Variants in DGLUCY observed in about 807,000 individuals in gnomAD.
The protein encoded by DGLUCY is D-glutamate cyclase.
A neutral mutation model predicts 58.5 loss-of-function variants in DGLUCY; 58 were observed. That is an observed-to-expected ratio of 0.99 (90% CI 0.80 to 1.23). The LOEUF (loss-of-function observed/expected upper bound fraction) is 1.23, where lower values mean the gene tolerates loss of function less well. Ranked by LOEUF, DGLUCY falls within the 50% of genes most tolerant of loss-of-function variation. The probability of loss-of-function intolerance (pLI) is 0.00; values close to 1 mark genes in which losing one functional copy is unlikely to be tolerated. For missense variants in DGLUCY, 779 were observed against 784.7 expected, an observed-to-expected ratio of 0.99 and a Z score of 0.09; for synonymous variants, 325 against 314.1, an observed-to-expected ratio of 1.03 and a Z score of -0.37.
At chr14:91,112,240 ACT>A (rs2044715762), upstream of DGLUCY, among the ~76,000 whole-genome samples, 1 of 148,034 alleles carries the variant, frequency 6.8e-6, no homozygotes, top group Non-Finnish European at 1.5e-5. Context: ...CAAGAGCAAA[ACT>A]CTGTCTCAAA....
rs1888013639 is a variant in DGLUCY at position 91,225,020 on chromosome 14, G to A, written c.*187G>A. The A allele has an allele frequency of 3.8e-6, 2 of 531,112 alleles. No individual in the cohort carries two copies. Among genetic ancestry groups the A allele is most frequent in the Non-Finnish European group, 6.1e-6 (2 of 326,524 alleles). The allele number at this position is 531,112 out of a possible 1,614,324, so 32.9% of individuals were successfully genotyped here. ...GGTTAGTGCAGGTGCTGTGGACAAAGGACAACATTTCTCTGGGGCTTTTTA... is the reference window on the plus strand; with the variant it reads ...GGTTAGTGCAGGTGCTGTGGACAAAAGACAACATTTCTCTGGGGCTTTTTA... On this transcript the variant is annotated 3_prime_UTR_variant, in exon 14 of 14. Transcript: ENST00000256324.
rs892056731 is a variant in DGLUCY, at chr14:91,163,371, G to A, written c.103+2974G>A. Among the ~76,000 whole-genome samples, 51 of 152,292 alleles carry A rather than the reference G, an allele frequency of 3.3e-4. 1 individual carries two copies. Among genetic ancestry groups the A allele is most frequent in the Non-Finnish European group, 3.7e-4 (25 of 68,020 alleles). ...AGCCAGCCAAATCCCCTCCCACCTCGCTCCAGATAACTTTTGGAGCCGTGC... is the reference window on the plus strand; with the variant it reads ...AGCCAGCCAAATCCCCTCCCACCTCACTCCAGATAACTTTTGGAGCCGTGC... On this transcript the variant is annotated intron_variant, in intron 3 of 13. Coordinates refer to ENST00000256324, the MANE Select transcript of DGLUCY (RefSeq NM_001102368.3).
chr14:91,179,537 A>T (rs1050742521), intron 7 of DGLUCY, among the ~76,000 whole-genome samples: 6 of 152,132 alleles, frequency 3.9e-5, no homozygotes, highest in Admixed American at 2.0e-4. Context: ...GGATCACCTG[A>T]GGTCAGGAGT....
intron 3 of DGLUCY, among the ~76,000 whole-genome samples, chr14:91,163,572 G>A (rs1186419553): frequency 6.6e-6 from 1 of 152,194 alleles, no homozygotes; most frequent in Non-Finnish European, 1.5e-5. Context: ...CCCAGCGGAT[G>A]GTTGCATCTG....
At chr14:91,122,633 C>A (rs2045449898) in intron 1 of DGLUCY, among the ~76,000 whole-genome samples, 1 of 95,630 alleles carries the variant, frequency 1.0e-5, no homozygotes, top group South Asian at 3.7e-4. Flanking sequence ...GATAGAGTCT[C>A]ACTCTGTCGC....
intron 1 of DGLUCY, among the ~76,000 whole-genome samples, chr14:91,072,323 CAAA>C (rs113763715): frequency 2.3e-5 from 3 of 129,694 alleles, no homozygotes; most frequent in Admixed American, 7.7e-5. Flanking sequence ...GACTCTGTCT[CAAA>C]AAAAAAAAAA....
chr14:91,060,696 G>T, exon 1 of DGLUCY: 1 of 361,194 alleles, frequency 2.8e-6, no homozygotes, highest in East Asian at 4.2e-5. Context: ...TCCGCCCACA[G>T]CCAGCAAGGT....
At chr14:91,099,528 CAAAAA>C (rs11349730) in intron 1 of DGLUCY, among the ~76,000 whole-genome samples, 1 of 134,642 alleles carries the variant, frequency 7.4e-6, no homozygotes. Flanking sequence ...GACCCAATCT[CAAAAA>C]AAAAAAAAAA....
intron 1 of DGLUCY, among the ~76,000 whole-genome samples, chr14:91,155,171 G>A (rs1428110510): frequency 6.6e-6 from 1 of 152,170 alleles, no homozygotes; most frequent in African/African-American, 2.4e-5. Flanking sequence ...CAGACACGAT[G>A]GTAGATGGTA....
chr14:91,160,835 G>C (rs1046433913), intron 3 of DGLUCY, among the ~76,000 whole-genome samples: 4 of 152,108 alleles, frequency 2.6e-5, no homozygotes, highest in African/African-American at 9.7e-5. Context: ...GATACTGAAG[G>C]CTCTAAAAGG....
At position 91,199,824 on chromosome 14, in the gene DGLUCY, A is replaced by G. The variant is rs778993755; in HGVS notation, c.1363A>G (p.Lys455Glu). ...AADGNYYNAR[K>E]MNIKHLVDPI... ...TGATGGCAATTACTACAATGCAAGG[A>G]AGATGAACATCAAGCACTTGGTTGA... The change falls in exon 11 of 14, where the codon AAG becomes GAG. Residue 455 changes from lysine to glutamate, a missense_variant. Coordinates refer to ENST00000256324, the MANE Select transcript of DGLUCY (RefSeq NM_001102368.3). The G allele has an allele frequency of 1.2e-5, 20 of 1,614,094 alleles. No individual in the cohort carries two copies. The Admixed American group carries it at 2.5e-4, about 20-fold the overall frequency.
intron 9 of DGLUCY, among the ~76,000 whole-genome samples, chr14:91,192,275 T>A (rs527676236): frequency 6.6e-6 from 1 of 152,268 alleles, no homozygotes; most frequent in East Asian, 1.9e-4. Flanking sequence ...ACTCCACGCA[T>A]ATGACATGCC....
At position 91,129,192 on chromosome 14, in the gene DGLUCY, A is replaced by G. The variant is rs1262124421; in HGVS notation, c.-82+14909A>G. 2.0e-5 allele frequency among the ~76,000 whole-genome samples: 3 copies of G among 152,144 alleles called. No homozygotes were observed. The East Asian group carries it at 5.8e-4, about 29-fold the overall frequency. On this transcript the variant is annotated intron_variant, in intron 1 of 13. Coordinates refer to ENST00000256324, the MANE Select transcript of DGLUCY (RefSeq NM_001102368.3). Reference sequence around the variant, plus strand: ...TGTGAAATCTATATACATATAAGCCATATGTTCAACTTAAAGAATAGTAAA... The same window carrying G: ...TGTGAAATCTATATACATATAAGCCGTATGTTCAACTTAAAGAATAGTAAA...
In DGLUCY at chr14:91,196,474, GGT is replaced by G; in HGVS notation, c.1295+1_1295+2del. The G allele has an allele frequency of 6.2e-7, 1 of 1,613,388 alleles. No individual in the cohort carries two copies. The highest frequency in any genetic ancestry group is 8.5e-7 in the Non-Finnish European group (1 of 1,179,438). Reference sequence around the variant, plus strand: ...AAAAATGGGGACCCGCAGACACCTAGGTACGTATGTCGCATCCCAGTTTAAGT... The same window carrying G: ...AAAAATGGGGACCCGCAGACACCTAGACGTATGTCGCATCCCAGTTTAAGT... On this transcript the variant is annotated splice_donor_variant, in intron 10 of 13. Transcript: ENST00000256324. LOFTEE classifies it high-confidence loss of function.
At chr14:91,195,858 G>A (rs2050170354) in intron 9 of DGLUCY, among the ~76,000 whole-genome samples, 1 of 151,888 alleles carries the variant, frequency 6.6e-6, no homozygotes, top group African/African-American at 2.4e-5. Context: ...TTTTAGTGGA[G>A]ACAGGGTTTC....
chr14:91,095,495 G>T (rs773398345), intron 1 of DGLUCY, among the ~76,000 whole-genome samples: 5 of 152,128 alleles, frequency 3.3e-5, no homozygotes, highest in Non-Finnish European at 5.9e-5. Context: ...TTCTTTCTTT[G>T]GTAAGGGAGC....
chr14:91,190,118 G>A (rs2140507538), intron 9 of DGLUCY, among the ~76,000 whole-genome samples: 1 of 150,916 alleles, frequency 6.6e-6, no homozygotes. Context: ...CTCCCGAGTA[G>A]CTGGGACTAC....
chr14:91,160,536 T>A, intron 3 of DGLUCY, 139 bp downstream of exon 3: 1 of 650,820 alleles, frequency 1.5e-6, no homozygotes, highest in Non-Finnish European at 2.6e-6. Context: ...CAGAATGATA[T>A]TAGCTCTGGT....
At chr14:91,193,175 G>A in intron 9 of DGLUCY, among the ~76,000 whole-genome samples, 1 of 152,234 alleles carries the variant, frequency 6.6e-6, no homozygotes, top group South Asian at 2.1e-4. Flanking sequence ...TGAGGCCAGA[G>A]GAAAGGCAAG....
Sources: gnomAD v4.1 joint callset for allele counts (sites outside exome capture counted in the v4.1 genomes callset) on GRCh38, gnomAD v4.1.1 for gene constraint, MANE v1.5 for transcripts, NCBI Gene and HGNC (gene_info 2026-07-23, HGNC 2026-07-21) for gene names.